The following TMC2 variants were observed in gnomAD, a reference collection of about 807,000 sequenced individuals.
TMC2 encodes the protein transmembrane channel like 2.
Under a neutral mutation model 105.9 loss-of-function variants are expected in TMC2, and 102 were observed. The observed-to-expected ratio is 0.96, with a 90% CI of 0.82 to 1.14. The LOEUF (loss-of-function observed/expected upper bound fraction) is 1.14. Among genes scored for constraint, TMC2 ranks in the 50% most tolerant of loss-of-function variants. The pLI, the probability that TMC2 is intolerant of heterozygous loss-of-function variation, is 0.00. For synonymous variants in TMC2, 402 were observed against 422.8 expected, an observed-to-expected ratio of 0.95 and a Z score of 0.60; for missense variants, 1,093 against 1,134.3, an observed-to-expected ratio of 0.96 and a Z score of 0.52.
chr20:2,579,384 TTTTATTTA>T (rs140358031), intron 6 of TMC2, among the ~76,000 whole-genome samples, 157 bp downstream of exon 6: 2,623 of 147,248 alleles, frequency 0.018, 96 homozygotes, highest in African/African-American at 0.061. Flanking sequence ...AAGATTTATT[TTTTATTTA>T]TTTATTTATT....
chr20:2,611,829 A>AGTGG (rs1259740993), intron 12 of TMC2, among the ~76,000 whole-genome samples: 167 of 111,412 alleles, frequency 1.5e-3, no homozygotes, highest in Non-Finnish European at 1.9e-3. Context: ...TAGATGGATG[A>AGTGG]ATGGATGGAT....
chr20:2,538,928 A>G (rs1156728087), intron 2 of TMC2, among the ~76,000 whole-genome samples: 1 of 152,206 alleles, frequency 6.6e-6, no homozygotes, highest in Non-Finnish European at 1.5e-5. Context: ...GGAGGGAATA[A>G]AAGTTTAAGA....
chr20:2,588,145 C>T (rs1300363305), intron 7 of TMC2, among the ~76,000 whole-genome samples: 1 of 152,036 alleles, frequency 6.6e-6, no homozygotes, highest in Non-Finnish European at 1.5e-5. Context: ...GAAGAAGTCA[C>T]AGATATTCAA....
intron 18 of TMC2, among the ~76,000 whole-genome samples, chr20:2,636,229 G>T (rs1368061977): frequency 6.6e-6 from 1 of 151,944 alleles, no homozygotes; most frequent in Non-Finnish European, 1.5e-5. Flanking sequence ...AATTTCAAGG[G>T]GTTACTAAAG....
At chr20:2,536,973 A>T (rs1269225262) in intron 1 of TMC2, among the ~76,000 whole-genome samples, 2 of 152,104 alleles carry the variant, frequency 1.3e-5, no homozygotes, top group Admixed American at 6.5e-5. Flanking sequence ...GGGGCGTCTC[A>T]GCCACCTATT....
Position 2,592,451 on chromosome 20 carries a change from A to G in TMC2, c.933+43A>G, listed in dbSNP as rs753610525. ...CCAATGAACTTCCATTTGTGATTAT[A>G]AAGGCTAAAGATTGCATGGATAAGT... On this transcript the variant is annotated intron_variant, in intron 8 of 19. Transcript: ENST00000358864. The surrounding 1 kb of genome is among the most constrained non-coding windows in gnomAD (Gnocchi z 4.9). The G allele has an allele frequency of 1.5e-6, 2 of 1,312,290 alleles. No individual in the cohort carries two copies. Among genetic ancestry groups the G allele is most frequent in the Non-Finnish European group, 1.1e-6 (1 of 904,796 alleles). 81.3% of individuals were successfully genotyped at this position (1,312,290 alleles called of 1,614,324 possible). A position where few individuals can be genotyped will look rare whatever the true frequency, so the allele number is the denominator to read the frequency against.
chr20:2,641,141 T>C lies in TMC2; in HGVS notation c.2511T>C (p.Thr837=). ...TCTTGGTTCGTTTTCCAGAGACCAC[T>C]CCTCCCTCTGCCAGCCAAAGCCAGG... is the stretch of plus-strand genomic sequence containing the variant. ...TQLQLTKEET[T]PPSASQSQAM... The change falls in exon 20 of 20, where the codon ACT becomes ACC. Residue 837 remains threonine, a synonymous_variant. Coordinates refer to ENST00000358864, the MANE Select transcript of TMC2 (RefSeq NM_080751.3). The C allele has an allele frequency of 6.2e-7, 1 of 1,614,038 alleles. No homozygotes were observed. Among genetic ancestry groups the C allele is most frequent in the Middle Eastern group, 1.7e-4 (1 of 6,060 alleles).
intron 11 of TMC2, among the ~76,000 whole-genome samples, chr20:2,608,299 A>ATTTATTT (rs1480863781): frequency 1.2e-3 from 115 of 98,904 alleles, no homozygotes; most frequent in African/African-American, 4.3e-3. Flanking sequence ...CCTTATTTTT[A>ATTTATTT]TTTATTATTA....
chr20:2,586,601 T>C (rs1316019542), intron 7 of TMC2, among the ~76,000 whole-genome samples: 1 of 152,068 alleles, frequency 6.6e-6, no homozygotes, highest in Non-Finnish European at 1.5e-5. Context: ...AAGAGAGTGA[T>C]TGGGAGAGGT....
intron 2 of TMC2, 151 bp downstream of exon 2, chr20:2,537,467 T>A: frequency 1.4e-6 from 1 of 723,562 alleles, no homozygotes; most frequent in South Asian, 1.6e-5. Context: ...AGGCAAGGTG[T>A]TTAACATGGG....
chr20:2,568,487 A>G (rs1310014458), intron 4 of TMC2, among the ~76,000 whole-genome samples: 1 of 152,200 alleles, frequency 6.6e-6, no homozygotes, highest in Non-Finnish European at 1.5e-5. Context: ...GTCTGGACAC[A>G]GAGTCTGAAC....
At chr20:2,636,597 C>A (rs1043980236) in intron 18 of TMC2, among the ~76,000 whole-genome samples, 1 of 131,406 alleles carries the variant, frequency 7.6e-6, no homozygotes, top group Non-Finnish European at 1.6e-5. Flanking sequence ...CTGGTCCCCC[C>A]GTCCACACCT....
intron 5 of TMC2, among the ~76,000 whole-genome samples, chr20:2,573,561 C>CTTTTTTTTTTTTTTTTTTTT (rs370771531): frequency 8.5e-6 from 1 of 117,002 alleles, no homozygotes; most frequent in Non-Finnish European, 1.8e-5. Flanking sequence ...CTTTTCTTTT[C>CTTTTTTTTTTTTTTTTTTTT]TTTTTTTTTT....
intron 5 of TMC2, among the ~76,000 whole-genome samples, chr20:2,574,104 C>T (rs1478779749): frequency 6.6e-6 from 1 of 152,036 alleles, no homozygotes; most frequent in African/African-American, 2.4e-5. Flanking sequence ...TCTTTGTCAC[C>T]GTAAAAATTA....
chr20:2,612,609 T>C (rs1385555885), intron 13 of TMC2, among the ~76,000 whole-genome samples: 1 of 152,226 alleles, frequency 6.6e-6, no homozygotes, highest in Admixed American at 6.5e-5. Context: ...ATGTCTATTC[T>C]ACAAATGCAG....
At chr20:2,555,461 T>G (rs1448960123) in intron 2 of TMC2, among the ~76,000 whole-genome samples, 1 of 152,198 alleles carries the variant, frequency 6.6e-6, no homozygotes, top group Non-Finnish European at 1.5e-5. Flanking sequence ...CAAGCTTTTT[T>G]TTTTATAATC....
chr20:2,595,044 C>G, intron 9 of TMC2, 77 bp downstream of exon 9: 1 of 1,491,130 alleles, frequency 6.7e-7, no homozygotes, highest in Non-Finnish European at 9.1e-7. Flanking sequence ...ATGCCTACCT[C>G]CCTTCTGGTG....
At chr20:2,586,698 G>A (rs1311363297) in intron 7 of TMC2, among the ~76,000 whole-genome samples, 1 of 152,106 alleles carries the variant, frequency 6.6e-6, no homozygotes, top group African/African-American at 2.4e-5. Flanking sequence ...AGCCATTTAT[G>A]AAGAATCTGC....
rs572074938 is a variant in TMC2 at position 2,558,562 on chromosome 20, C to A, written c.189C>A (p.Ser63Arg). 2 of 1,552,964 alleles carry A rather than the reference C, an allele frequency of 1.3e-6. No homozygotes were observed. Among genetic ancestry groups the A allele is most frequent in the Non-Finnish European group, 1.7e-6 (2 of 1,147,956 alleles). The change falls in exon 3 of 20, where the codon AGC becomes AGA. Residue 63 changes from serine (S) to arginine (R), a missense_variant. Ser to Arg is a moderately radical substitution (Grantham distance 110). Transcript: ENST00000358864. This position sits in a 1 kb window ranked among gnomAD's most constrained non-coding sequence, Gnocchi z 4.6. ...GCCAGAAGGAGCGCGCCGGGGGCAG[C>A]CCAAGCCCGGGGTCTCCCCGGAGGA... Reference protein sequence around the residue: ...QRSQKERAGGSPSPGSPRRKQ... With the variant: ...QRSQKERAGGRPSPGSPRRKQ...
Sources: gnomAD v4.1 joint callset for allele counts (sites outside exome capture counted in the v4.1 genomes callset) on GRCh38, gnomAD v4.1.1 for gene constraint, Gnocchi (gnomAD v3.1) non-coding constraint, MANE v1.5 for transcripts, NCBI Gene and HGNC (gene_info 2026-07-23, HGNC 2026-07-21) for gene names.